DLC1: variants seen among roughly 807,000 people sequenced by gnomAD.
DLC1 encodes the protein rho GTPase-activating protein 7.
A neutral mutation model predicts 140.3 loss-of-function variants in DLC1; 54 were observed. The observed-to-expected ratio is 0.38, with a 90% CI of 0.31 to 0.48. The LOEUF (loss-of-function observed/expected upper bound fraction) is 0.48. Ranked by LOEUF, DLC1 falls within the 20% of genes least tolerant of loss-of-function variation. The pLI, the probability that DLC1 is intolerant of heterozygous loss-of-function variation, is 0.96. For missense variants in DLC1, 2,536 were observed against 1,907.0 expected, an observed-to-expected ratio of 1.33 and a Z score of -6.14; for synonymous variants, 986 against 728.1, an observed-to-expected ratio of 1.35 and a Z score of -5.70.
chr8:13,211,067 T>C (rs1299577993), intron 5 of DLC1, among the ~76,000 whole-genome samples: 1 of 152,162 alleles, frequency 6.6e-6, no homozygotes, highest in Non-Finnish European at 1.5e-5. Context: ...GCAAAGAAAC[T>C]GCCTCAAACC....
rs1817572362 is a variant in DLC1 at position 13,086,473 on chromosome 8, C to CA, written c.4293-11dup. On this transcript the variant is annotated splice_polypyrimidine_tract_variant and intron_variant, in intron 16 of 17. Transcript: ENST00000276297. ...ATTAGTCCTCCAGGTTCTGTAGAGA[C>CA]AAAACCAGAGGCAGAAATGATGGAA... The CA allele has an allele frequency of 1.9e-6, 3 of 1,606,226 alleles. No homozygotes were observed. Among genetic ancestry groups the CA allele is most frequent in the Non-Finnish European group, 8.5e-7 (1 of 1,176,792 alleles).
chr8:13,089,709 T>C lies in DLC1; in HGVS notation c.4074+543A>G, dbSNP rs1410364487. Among the ~76,000 whole-genome samples, 3 of 151,196 alleles carry C rather than the reference T, an allele frequency of 2.0e-5. No individual in the cohort carries two copies. The East Asian group carries it at 5.8e-4, about 29-fold the overall frequency. On this transcript the variant is annotated intron_variant, in intron 15 of 17. Coordinates refer to ENST00000276297, the MANE Select transcript of DLC1 (RefSeq NM_182643.3). ...GCAAGGCCACCCAGCCTACTCCCAC[T>C]GTTTGTTTATTTTCAAGATGGTAGA...
intron 10 of DLC1, among the ~76,000 whole-genome samples, chr8:13,098,004 T>C (rs74468874): frequency 0.31 from 40,118 of 130,664 alleles, 6,581 homozygotes; most frequent in East Asian, 0.59. Flanking sequence ...GTTAACACGG[T>C]GAAACCCCAT....
At chr8:13,394,721 T>C (rs1586267940) in intron 3 of DLC1, among the ~76,000 whole-genome samples, 1 of 152,306 alleles carries the variant, frequency 6.6e-6, no homozygotes, top group East Asian at 1.9e-4. Context: ...TCTCCAGTCT[T>C]AGCTTTGCCA....
intron 2 of DLC1, among the ~76,000 whole-genome samples, chr8:13,457,447 G>C (rs1270710291): frequency 1.3e-5 from 2 of 151,914 alleles, no homozygotes; most frequent in Non-Finnish European, 2.9e-5. Context: ...GAGAGGCCGA[G>C]GCAGGCAGAT....
intron 5 of DLC1, among the ~76,000 whole-genome samples, chr8:13,238,418 C>CG (rs1408619529): frequency 6.6e-6 from 1 of 151,646 alleles, no homozygotes; most frequent in Non-Finnish European, 1.5e-5. Context: ...GGAGGTGAGG[C>CG]AGGAGAATCA....
rs1236978446 is a variant in DLC1, at chr8:13,173,449, G to A, written c.1349-57792C>T. 5.9e-5 allele frequency among the ~76,000 whole-genome samples: 8 copies of A among 136,712 alleles called. No individual in the cohort carries two copies. The Admixed American group carries it at 6.9e-4, about 12-fold the overall frequency. 89.7% of individuals were successfully genotyped at this position (136,712 alleles called of 152,430 possible). A position where few individuals can be genotyped will look rare whatever the true frequency, so the allele number is the denominator to read the frequency against. On this transcript the variant is annotated intron_variant, in intron 5 of 17. Transcript: ENST00000276297. The stretch of plus-strand genomic sequence containing the variant: ...CGCAGTGGCGCGATCTCGGCTCACT[G>A]CAAACTCCGCCTCCCGTGTTGAAGC...
At chr8:13,306,989 C>A (rs988236790) in intron 4 of DLC1, among the ~76,000 whole-genome samples, 2 of 143,202 alleles carry the variant, frequency 1.4e-5, no homozygotes, top group African/African-American at 5.2e-5. Context: ...GAGGCTGAGG[C>A]AGGAGAACCT....
At chr8:13,562,017 G>C (rs897726334) in intron 1 of DLC1, among the ~76,000 whole-genome samples, 2 of 152,072 alleles carry the variant, frequency 1.3e-5, no homozygotes, top group African/African-American at 2.4e-5. Context: ...CAGGAGTTAC[G>C]GGTAGGTTGA....
At chr8:13,437,867 A>T (rs572219243) in intron 2 of DLC1, among the ~76,000 whole-genome samples, 4 of 152,172 alleles carry the variant, frequency 2.6e-5, no homozygotes, top group Non-Finnish European at 5.9e-5. Context: ...TGATGCTGAC[A>T]CAGCTTCTAA....
intron 5 of DLC1, among the ~76,000 whole-genome samples, chr8:13,270,950 C>G (rs953661331): frequency 6.6e-6 from 1 of 152,122 alleles, no homozygotes; most frequent in Non-Finnish European, 1.5e-5. Flanking sequence ...CTGTTATCCT[C>G]TTTGTATTGG....
intron 5 of DLC1, among the ~76,000 whole-genome samples, chr8:13,121,530 G>C (rs1308564808): frequency 6.6e-6 from 1 of 152,086 alleles, no homozygotes; most frequent in Non-Finnish European, 1.5e-5. Context: ...ATGTAGGCAG[G>C]CATTGCGCTG....
At chr8:13,539,250 A>G (rs1440275034) in intron 1 of DLC1, among the ~76,000 whole-genome samples, 1 of 152,024 alleles carries the variant, frequency 6.6e-6, no homozygotes, top group Non-Finnish European at 1.5e-5. Flanking sequence ...CCCAGGCTGG[A>G]GTGCAGTGGC....
intron 5 of DLC1, among the ~76,000 whole-genome samples, chr8:13,271,533 A>G (rs1171501713): frequency 6.6e-6 from 1 of 152,214 alleles, no homozygotes; most frequent in East Asian, 1.9e-4. Flanking sequence ...CACTCCGCAA[A>G]ATACCTCAGG....
At chr8:13,389,743 A>G (rs1199512467) in intron 4 of DLC1, among the ~76,000 whole-genome samples, 1 of 152,164 alleles carries the variant, frequency 6.6e-6, no homozygotes, top group Non-Finnish European at 1.5e-5. Context: ...GACCTTACAC[A>G]CAAAAGGAAA....
At chr8:13,233,331 G>A (rs78925532) in intron 5 of DLC1, among the ~76,000 whole-genome samples, 4 of 133,522 alleles carry the variant, frequency 3.0e-5, no homozygotes, top group Non-Finnish European at 6.2e-5. Context: ...AAAAAGAGTA[G>A]TGTATATTCA....
intron 2 of DLC1, among the ~76,000 whole-genome samples, chr8:13,434,484 G>A (rs1355591181): frequency 1.3e-5 from 2 of 152,112 alleles, no homozygotes; most frequent in African/African-American, 4.8e-5. Flanking sequence ...GTGTGTGTGT[G>A]TGTGTTCATG....
intron 2 of DLC1, among the ~76,000 whole-genome samples, chr8:13,422,935 A>G (rs758978269): frequency 6.6e-6 from 1 of 152,170 alleles, no homozygotes; most frequent in African/African-American, 2.4e-5. Flanking sequence ...GAATTTGAGT[A>G]AAATGGAAGG....
intron 4 of DLC1, among the ~76,000 whole-genome samples, chr8:13,324,949 T>A (rs1206676949): frequency 6.6e-6 from 1 of 152,194 alleles, no homozygotes; most frequent in Non-Finnish European, 1.5e-5. Flanking sequence ...TCATGTATCA[T>A]AAAATAATCC....
Sources: gnomAD v4.1 joint callset for allele counts (sites outside exome capture counted in the v4.1 genomes callset) on GRCh38, gnomAD v4.1.1 for gene constraint, MANE v1.5 for transcripts, NCBI Gene and HGNC (gene_info 2026-07-23, HGNC 2026-07-21) for gene names.